Variants in STARD6 observed in about 807,000 individuals in gnomAD.
STARD6 encodes StAR related lipid transfer domain containing 6.
In STARD6, 21 loss-of-function variants were observed where a neutral mutation model predicts 22.3. That is an observed-to-expected ratio of 0.94 (90% confidence interval 0.67 to 1.35). The LOEUF (loss-of-function observed/expected upper bound fraction) is 1.35, where lower values mean the gene tolerates loss of function less well. Ranked by LOEUF, STARD6 falls within the 40% of genes most tolerant of loss-of-function variation. STARD6 has a pLI of 0.00. For missense variants in STARD6, 269 were observed against 266.9 expected (o/e 1.01, Z -0.05); for synonymous variants, 80 against 88.1 (o/e 0.91, Z 0.52).
At chr18:54,324,986 A>G (rs2088811920) in intron 7 of STARD6, 111 bp from the exon 8 acceptor site, 1 of 813,250 alleles carries the variant, frequency 1.2e-6, no homozygotes, top group Non-Finnish European at 1.7e-6. Flanking sequence ...TGACATACTT[A>G]AAAATTGTAC....
At chr18:54,348,967 C>A (rs564659152) in intron 4 of STARD6, among the ~76,000 whole-genome samples, 2 of 152,028 alleles carry the variant, frequency 1.3e-5, no homozygotes, top group Non-Finnish European at 2.9e-5. Flanking sequence ...TAACTGAAGT[C>A]CATAAATTCA....
chr18:54,354,136 G>A, intron 3 of STARD6, 33 bp from the exon 4 acceptor site: 3 of 1,337,530 alleles, frequency 2.2e-6, no homozygotes, highest in South Asian at 2.8e-5. Context: ...CAAATAATTA[G>A]CTGTCAAATG....
In STARD6 at chr18:54,333,593, C is replaced by A. The variant is rs893357903; in HGVS notation, c.268-1734G>T. 2.6e-5 allele frequency among the ~76,000 whole-genome samples: 4 copies of A among 152,158 alleles called. No homozygotes were observed. The South Asian group carries it at 8.3e-4, about 32-fold the overall frequency. ...GTTCAAATCCCAAGAAGATCATGGA[C>A]ATGTGTTTTCTGTGGATAGGAACTT... On this transcript the variant is annotated intron_variant, in intron 5 of 7. Coordinates refer to ENST00000307844, the MANE Select transcript of STARD6 (RefSeq NM_139171.2).
chr18:54,338,602 T>C (rs1245962655), intron 4 of STARD6, among the ~76,000 whole-genome samples: 1 of 151,418 alleles, frequency 6.6e-6, no homozygotes, highest in Non-Finnish European at 1.5e-5. Context: ...GTATCCAGAG[T>C]TGCTACACTA....
intron 7 of STARD6, among the ~76,000 whole-genome samples, chr18:54,326,715 AAAT>A (rs2088828260): frequency 6.6e-6 from 1 of 150,872 alleles, no homozygotes; most frequent in African/African-American, 2.4e-5. Flanking sequence ...TTTTATATAA[AAAT>A]AAAATAAAAA....
rs777741679 is a variant in STARD6 at position 54,331,805 on chromosome 18, G to A, written c.322C>T (p.Pro108Ser). 1.9e-6 allele frequency: 3 copies of A among 1,613,416 alleles called. No homozygotes were observed. Among genetic ancestry groups the A allele is most frequent in the South Asian group, 2.2e-5 (2 of 90,936 alleles). The change falls in exon 6 of 8, where the codon CCT (proline) becomes TCT (serine). Residue 108 changes from proline to serine, a missense_variant. Transcript: ENST00000307844. ...TQSFAVGSIS[P>S]RDFIDLVYIK... Reference sequence around the variant, plus strand: ...TACACTAAGTCGATAAAGTCTCGAGGGGAAATGGAGCCCACGGCAAAACTT... The same window carrying A: ...TACACTAAGTCGATAAAGTCTCGAGAGGAAATGGAGCCCACGGCAAAACTT...
intron 4 of STARD6, among the ~76,000 whole-genome samples, chr18:54,351,768 C>A (rs2089098314): frequency 6.6e-6 from 1 of 152,158 alleles, no homozygotes; most frequent in African/African-American, 2.4e-5. Flanking sequence ...GTATGTTAAA[C>A]CATCCCCACA....
intron 4 of STARD6, among the ~76,000 whole-genome samples, chr18:54,343,315 A>T (rs2088995907): frequency 8.1e-6 from 1 of 122,886 alleles, no homozygotes; most frequent in African/African-American, 3.2e-5. Flanking sequence ...CAGCCACCCC[A>T]TCTGGGAAGT....
intron 7 of STARD6, among the ~76,000 whole-genome samples, chr18:54,325,103 T>C (rs940084810): frequency 6.6e-6 from 1 of 152,116 alleles, no homozygotes; most frequent in East Asian, 1.9e-4. Flanking sequence ...TAATGTATGC[T>C]TATTATGAAA....
chr18:54,331,851 G>T lies in STARD6; in HGVS notation c.276C>A (p.Phe92Leu), dbSNP rs1000024996. The part of the protein sequence containing the change: ...NMVHRIDSDT[F>L]ICHTITQSFA... ...AACTTTGTGTAATGGTATGACATAT[G>T]AATGTGTCCTGCAACAAATCAAACC... Residue 92 changes from phenylalanine to leucine, a missense_variant, in exon 6 of 8, where the codon TTC becomes TTA. By Grantham distance (22) the Phe-to-Leu change is conservative. Transcript: ENST00000307844. The T allele has an allele frequency of 6.3e-7, 1 of 1,598,652 alleles. No homozygotes were observed.
At chr18:54,342,486 C>T (rs1009510213) in intron 4 of STARD6, among the ~76,000 whole-genome samples, 13 of 146,708 alleles carry the variant, frequency 8.9e-5, no homozygotes, top group African/African-American at 1.3e-4. Context: ...TCTCCGTCTC[C>T]GTCTCCCTCT....
At chr18:54,337,846 T>A (rs558880234) in intron 4 of STARD6, among the ~76,000 whole-genome samples, 141 of 152,348 alleles carry the variant, frequency 9.3e-4, no homozygotes, top group African/African-American at 3.2e-3. Flanking sequence ...AGGCAGAAAT[T>A]ATTTTTTGTT....
chr18:54,351,056 T>C (rs2089091648), intron 4 of STARD6, among the ~76,000 whole-genome samples: 1 of 152,200 alleles, frequency 6.6e-6, no homozygotes, highest in African/African-American at 2.4e-5. Flanking sequence ...GCATTGAATC[T>C]GTAGATTGTT....
chr18:54,327,265 G>A (rs971707253), intron 7 of STARD6, among the ~76,000 whole-genome samples: 1 of 152,040 alleles, frequency 6.6e-6, no homozygotes, highest in Non-Finnish European at 1.5e-5. Context: ...AATATATAAT[G>A]ATAACAACTT....
At chr18:54,342,445 C>CCCTCTCCCTCTCCCTCTG (rs2088979465) in intron 4 of STARD6, among the ~76,000 whole-genome samples, 1 of 130,198 alleles carries the variant, frequency 7.7e-6, no homozygotes, top group African/African-American at 3.0e-5. Context: ...CTCTCCCTCT[C>CCCTCTCCCTCTCCCTCTG]CCTCTCCCTC....
chr18:54,354,410 A>T (rs565206089), intron 3 of STARD6, 74 bp downstream of exon 3: 26 of 1,348,666 alleles, frequency 1.9e-5, no homozygotes, highest in East Asian at 7.0e-5. Flanking sequence ...ATATTTTTTT[A>T]AAAAAGTCTT....
At chr18:54,335,216 T>C (rs1051341708) in intron 5 of STARD6, among the ~76,000 whole-genome samples, 1 of 149,978 alleles carries the variant, frequency 6.7e-6, no homozygotes, top group South Asian at 2.1e-4. Flanking sequence ...ATTTTTGAGA[T>C]GGAGTTTCAC....
At chr18:54,330,618 T>C (rs557021183) in intron 6 of STARD6, among the ~76,000 whole-genome samples, 1 of 152,146 alleles carries the variant, frequency 6.6e-6, no homozygotes, top group Admixed American at 6.5e-5. Context: ...AAAAGAAATG[T>C]TAAGAAAACT....
At chr18:54,349,987 T>C (rs1309236856) in intron 4 of STARD6, among the ~76,000 whole-genome samples, 3 of 152,208 alleles carry the variant, frequency 2.0e-5, no homozygotes, top group Non-Finnish European at 4.4e-5. Flanking sequence ...TCTTTTCCTC[T>C]GGATACATAC....
Sources: allele counts gnomAD v4.1 joint callset (sites outside exome capture counted in the v4.1 genomes callset), GRCh38; gene constraint gnomAD v4.1.1; transcripts MANE v1.5; gene names NCBI Gene and HGNC (gene_info 2026-07-23, HGNC 2026-07-21).